PDGFC: variants seen among roughly 807,000 people sequenced by gnomAD.
PDGFC encodes the protein platelet derived growth factor C.
A neutral mutation model predicts 35.5 loss-of-function variants in PDGFC; 12 were observed. That is an observed-to-expected ratio of 0.34 (90% CI 0.22 to 0.55). The LOEUF (loss-of-function observed/expected upper bound fraction) is 0.55. PDGFC is among the 20% of genes least tolerant of loss of function. PDGFC has a pLI of 0.91. For missense variants in PDGFC, 322 were observed against 412.4 expected (o/e 0.78, Z 1.90); for synonymous variants, 159 against 148.8 (o/e 1.07, Z -0.50).
At chr4:156,772,371 A>C (rs1364444592) in intron 4 of PDGFC, among the ~76,000 whole-genome samples, 1 of 152,188 alleles carries the variant, frequency 6.6e-6, no homozygotes, top group East Asian at 1.9e-4. Flanking sequence ...TCCAAGTATT[A>C]GGTTTGAGTA....
intron 1 of PDGFC, among the ~76,000 whole-genome samples, chr4:156,937,264 T>C (rs748074120): frequency 2.6e-5 from 4 of 152,214 alleles, no homozygotes; most frequent in Non-Finnish European, 4.4e-5. Context: ...TGTTTCTCAA[T>C]AATTTGAACG....
intron 1 of PDGFC, among the ~76,000 whole-genome samples, chr4:156,957,463 G>A (rs916261952): frequency 6.6e-6 from 1 of 151,652 alleles, no homozygotes; most frequent in Non-Finnish European, 1.5e-5. Context: ...TATCATCTGG[G>A]CCAATTTCTG....
rs375215057 is a variant in PDGFC, at chr4:156,772,719, C to T, written c.670G>A (p.Gly224Ser). 6 of 1,613,284 alleles carry T rather than the reference C, an allele frequency of 3.7e-6. No individual in the cohort carries two copies. The highest frequency in any genetic ancestry group is 8.5e-7 in the Non-Finnish European group (1 of 1,179,548). Residue 224 changes from glycine (G) to serine (S), a missense_variant, in exon 4 of 6, where the codon GGC (glycine) becomes AGC (serine). Transcript: ENST00000502773. ...DLYRPTWQLL[G>S]KAFVFGRKSR... ...TTTCTTCCAAAAACAAAAGCCTTGC[C>T]AAGAAGTTGCCAAGTTGGCCTATAT...
rs569695419 is a variant in PDGFC at position 156,760,481 on chromosome 4, G to A, written c.*2609C>T. On this transcript the variant is annotated 3_prime_UTR_variant, in exon 6 of 6. Transcript: ENST00000502773. ...ACATTTAAGGCTTGCTTTTATTTTA[G>A]TAAACATCACTGGGCAAAACAGCCC... 4 of 152,334 alleles carry A rather than the reference G, an allele frequency of 2.6e-5. No homozygotes were observed. The highest frequency in any genetic ancestry group is 9.6e-5 in the African/African-American group (4 of 41,584). The allele number at this position is 152,334 out of a possible 1,614,324, so 9.4% of individuals were successfully genotyped here.
At chr4:156,827,669 G>C (rs1268084312) in intron 2 of PDGFC, among the ~76,000 whole-genome samples, 1 of 151,614 alleles carries the variant, frequency 6.6e-6, no homozygotes, top group East Asian at 1.9e-4. Flanking sequence ...GATGTGTGCT[G>C]TTATGTCAAA....
At position 156,971,496 on chromosome 4, in the gene PDGFC, G is replaced by A; in HGVS notation, c.-593C>T. On this transcript the variant is annotated 5_prime_UTR_variant, in exon 1 of 6. Transcript: ENST00000502773. ...CCACGGGCCGGGGCGCCGGAGCGGG[G>A]CCGGGGGGCTCCGGGCCGACGGCGG... is the stretch of plus-strand genomic sequence containing the variant. 4.7e-6 allele frequency: 1 copy of A among 213,032 alleles called. No homozygotes were observed. The highest frequency in any genetic ancestry group is 1.0e-4 in the East Asian group (1 of 9,622). The allele number at this position is 213,032 out of a possible 1,614,324, so 13.2% of individuals were successfully genotyped here. A position where few individuals can be genotyped will look rare whatever the true frequency, so the allele number is the denominator to read the frequency against.
intron 1 of PDGFC, among the ~76,000 whole-genome samples, chr4:156,876,074 A>T (rs2111157787): frequency 6.6e-6 from 1 of 152,336 alleles, no homozygotes; most frequent in Non-Finnish European, 1.5e-5. Context: ...GAACAGAAAA[A>T]GAATCAAAAG....
At chr4:156,799,089 T>G (rs1731527125) in intron 3 of PDGFC, among the ~76,000 whole-genome samples, 1 of 149,788 alleles carries the variant, frequency 6.7e-6, no homozygotes, top group African/African-American at 2.6e-5. Context: ...AAACTTTAGC[T>G]TTCTTAAGCA....
intron 3 of PDGFC, among the ~76,000 whole-genome samples, chr4:156,780,650 G>C (rs1730951878): frequency 6.6e-6 from 1 of 152,114 alleles, no homozygotes; most frequent in African/African-American, 2.4e-5. Context: ...TAAGAAATAA[G>C]GGTACAGAGT....
At chr4:156,772,950 T>C (rs1461170874) in intron 3 of PDGFC, 57 bp from the exon 4 acceptor site, 1 of 1,130,098 alleles carries the variant, frequency 8.8e-7, no homozygotes, top group East Asian at 2.4e-5. Context: ...GTATTCCTTC[T>C]GGACATATGC....
chr4:156,841,221 C>A (rs1276796954), intron 2 of PDGFC: 1 of 152,068 alleles, frequency 6.6e-6, no homozygotes, highest in Non-Finnish European at 1.5e-5. Context: ...TTCCCATAAT[C>A]CCCACACGTC....
intron 1 of PDGFC, among the ~76,000 whole-genome samples, chr4:156,917,305 T>G (rs567912242): frequency 6.6e-6 from 1 of 152,318 alleles, no homozygotes; most frequent in East Asian, 1.9e-4. Flanking sequence ...ACATGGCAAG[T>G]CTATCCCAAA....
At chr4:156,915,745 C>T (rs2110822090) in intron 1 of PDGFC, among the ~76,000 whole-genome samples, 1 of 152,148 alleles carries the variant, frequency 6.6e-6, no homozygotes, top group South Asian at 2.1e-4. Flanking sequence ...CATGCCACTG[C>T]ACTCCAGCCT....
intron 2 of PDGFC, among the ~76,000 whole-genome samples, chr4:156,834,909 TAGTC>T (rs1729026835): frequency 6.6e-6 from 1 of 151,708 alleles, no homozygotes; most frequent in Non-Finnish European, 1.5e-5. Context: ...GTCATATAGT[TAGTC>T]TGAAAATGGC....
intron 1 of PDGFC, chr4:156,873,831 T>G (rs1206445364): frequency 1.3e-5 from 2 of 152,228 alleles, no homozygotes; most frequent in Non-Finnish European, 2.9e-5. Flanking sequence ...AGGTCCTGCC[T>G]TTTAAAAGAA....
Position 156,889,225 on chromosome 4 carries a change from A to C in PDGFC, c.119-38809T>G, listed in dbSNP as rs559649767. ...TTATTTTTTTCTCATGTTTTCTTCT[A>C]CTCAAATACCCAGTGGTGATTACAA... On this transcript the variant is annotated intron_variant, in intron 1 of 5. Coordinates refer to ENST00000502773, the MANE Select transcript of PDGFC (RefSeq NM_016205.3). Among the ~76,000 whole-genome samples the C allele has an allele frequency of 2.8e-4, 42 of 152,210 alleles. No homozygotes were observed. In the South Asian group the frequency reaches 8.1e-3, roughly 29 times the overall value.
At chr4:156,902,209 A>C (rs1359649073) in intron 1 of PDGFC, among the ~76,000 whole-genome samples, 6 of 152,240 alleles carry the variant, frequency 3.9e-5, no homozygotes, top group African/African-American at 7.2e-5. Flanking sequence ...ATCTTGTTAT[A>C]AAATATATTT....
chr4:156,790,564 A>G, intron 3 of PDGFC, among the ~76,000 whole-genome samples: 1 of 152,256 alleles, frequency 6.6e-6, no homozygotes, highest in East Asian at 1.9e-4. Context: ...TAGAATAAAC[A>G]TGTTTAAATA....
chr4:156,949,475 C>A (rs1299716261), intron 1 of PDGFC, among the ~76,000 whole-genome samples: 1 of 151,748 alleles, frequency 6.6e-6, no homozygotes, highest in African/African-American at 2.4e-5. Flanking sequence ...CTCTCTTGCT[C>A]ACACACTGTC....
Sources: allele counts gnomAD v4.1 joint callset (sites outside exome capture counted in the v4.1 genomes callset), GRCh38; gene constraint gnomAD v4.1.1; transcripts MANE v1.5; gene names NCBI Gene and HGNC (gene_info 2026-07-23, HGNC 2026-07-21).